Variants in TMEM116 observed in about 807,000 individuals in gnomAD.
TMEM116 encodes the protein transmembrane protein 116.
In TMEM116, 38 loss-of-function variants were observed where a neutral mutation model predicts 44.3. That is an observed-to-expected ratio of 0.86 (90% CI 0.66 to 1.12). The LOEUF is 1.12. Ranked by LOEUF, TMEM116 falls within the 50% of genes most tolerant of loss-of-function variation. The pLI is 0.00. For synonymous variants in TMEM116, 132 were observed against 144.8 expected (o/e 0.91, Z 0.64); for missense variants, 354 against 401.7 (o/e 0.88, Z 1.01).
intron 3 of TMEM116, among the ~76,000 whole-genome samples, chr12:112,000,321 TTCACA>T (rs1367567715): frequency 1.3e-5 from 2 of 152,200 alleles, no homozygotes. Flanking sequence ...GAGATAAGCA[TTCACA>T]TCATGGCTAA....
At chr12:111,993,668 C>A in intron 3 of TMEM116, 1 of 597,160 alleles carries the variant, frequency 1.7e-6, no homozygotes, top group Non-Finnish European at 3.3e-6. Flanking sequence ...ATAGCATATG[C>A]CATGATGAAG....
chr12:111,959,885 T>C (rs531032706), intron 4 of TMEM116, among the ~76,000 whole-genome samples: 3 of 152,190 alleles, frequency 2.0e-5, no homozygotes, highest in Non-Finnish European at 4.4e-5. Context: ...CAAAGAGATT[T>C]AGACTGCCAC....
At chr12:111,949,424 T>C (rs1333783219) in intron 4 of TMEM116, among the ~76,000 whole-genome samples, 1 of 152,246 alleles carries the variant, frequency 6.6e-6, no homozygotes, top group African/African-American at 2.4e-5. Flanking sequence ...AAATTGTTTA[T>C]AGATACTATG....
chr12:111,960,755 CA>C (rs1360423238), intron 4 of TMEM116, among the ~76,000 whole-genome samples: 1 of 151,946 alleles, frequency 6.6e-6, no homozygotes, highest in Non-Finnish European at 1.5e-5. Context: ...CCTAATATCA[CA>C]ATGAAAAGAA....
intron 3 of TMEM116, chr12:111,993,779 T>C: frequency 1.4e-6 from 1 of 723,664 alleles, no homozygotes; most frequent in South Asian, 1.4e-5. Flanking sequence ...GTAACATTTG[T>C]AGCAGGTTAC....
intron 4 of TMEM116, among the ~76,000 whole-genome samples, chr12:111,964,215 C>CG (rs1367833347): frequency 2.7e-5 from 4 of 150,220 alleles, no homozygotes; most frequent in Non-Finnish European, 5.9e-5. Context: ...CTGAGGTGGG[C>CG]GGATCACAAG....
At chr12:111,978,882 T>C in intron 4 of TMEM116, 1 of 265,164 alleles carries the variant, frequency 3.8e-6, no homozygotes, top group Non-Finnish European at 7.9e-6. Context: ...ACTAATATAG[T>C]CAACTCATCT....
Position 111,931,341 on chromosome 12 carries a change from C to A in TMEM116, c.*280G>T. On this transcript the variant is annotated 3_prime_UTR_variant, in exon 11 of 11. Coordinates refer to ENST00000552374, the MANE Select transcript of TMEM116 (RefSeq NM_001193531.2). Reference sequence around the variant, plus strand: ...TTATTTTTTCTAGAAGAGACTTAGACAAATCCAATATCCATCAAGGTAACA... The same window carrying A: ...TTATTTTTTCTAGAAGAGACTTAGAAAAATCCAATATCCATCAAGGTAACA... 2.4e-6 allele frequency: 1 copy of A among 414,746 alleles called. No individual in the cohort carries two copies. Among genetic ancestry groups the A allele is most frequent in the Non-Finnish European group, 4.3e-6 (1 of 231,520 alleles). 25.7% of individuals were successfully genotyped at this position (414,746 alleles called of 1,614,324 possible). A position where few individuals can be genotyped will look rare whatever the true frequency, so the allele number is the denominator to read the frequency against.
In TMEM116 at chr12:111,943,311, T is replaced by G; in HGVS notation, c.269A>C (p.Glu90Ala). The G allele has an allele frequency of 5.6e-6, 9 of 1,614,134 alleles. No individual in the cohort carries two copies. Among genetic ancestry groups the G allele is most frequent in the Non-Finnish European group, 7.6e-6 (9 of 1,180,010 alleles). Residue 90 changes from glutamate to alanine, a missense_variant, in exon 5 of 11, where the codon GAG becomes GCG. Transcript: ENST00000552374. Reference protein sequence around the residue: ...TVNYIWYLYTELRMKHTQSGQ... With the variant: ...TVNYIWYLYTALRMKHTQSGQ... ...ACTCTGGGTGTGTTTCATCCTCAGC[T>G]CTGTGTACAAATACCAGATGTAATT...
chr12:111,950,528 C>T (rs558735332), intron 4 of TMEM116, among the ~76,000 whole-genome samples: 1 of 150,652 alleles, frequency 6.6e-6, no homozygotes, highest in East Asian at 2.0e-4. Flanking sequence ...AATAAGGCTG[C>T]ACATCTACAA....
intron 5 of TMEM116, among the ~76,000 whole-genome samples, chr12:111,941,564 G>T (rs991152641): frequency 6.6e-6 from 1 of 151,898 alleles, no homozygotes; most frequent in Non-Finnish European, 1.5e-5. Context: ...ATAAGTTTTC[G>T]GTATCCACAT....
At chr12:111,997,832 T>C (rs1029863830) in intron 3 of TMEM116, among the ~76,000 whole-genome samples, 4 of 152,180 alleles carry the variant, frequency 2.6e-5, no homozygotes, top group Non-Finnish European at 4.4e-5. Flanking sequence ...TTTAAAAGTA[T>C]AAAGTATTTA....
At chr12:111,984,374 T>C (rs2076106463) in intron 4 of TMEM116, among the ~76,000 whole-genome samples, 1 of 151,928 alleles carries the variant, frequency 6.6e-6, no homozygotes, top group African/African-American at 2.4e-5. Context: ...ATCAAAACAA[T>C]TGAACTCATG....
intron 4 of TMEM116, among the ~76,000 whole-genome samples, chr12:111,961,723 G>T (rs1381304109): frequency 6.6e-6 from 1 of 152,094 alleles, no homozygotes; most frequent in Non-Finnish European, 1.5e-5. Flanking sequence ...ATACTGAATG[G>T]GCAAAAACTG....
At chr12:111,943,130 C>A (rs1012950267) in intron 5 of TMEM116, 135 bp downstream of exon 5, 1 of 714,448 alleles carries the variant, frequency 1.4e-6, no homozygotes, top group African/African-American at 1.8e-5. Context: ...TCACCACTTG[C>A]CCAGACTGGC....
chr12:111,942,270 T>A (rs2072896588), intron 5 of TMEM116, among the ~76,000 whole-genome samples: 1 of 150,064 alleles, frequency 6.7e-6, no homozygotes, highest in East Asian at 2.0e-4. Context: ...TTTTTGTTTT[T>A]GTTTTGTTTT....
chr12:111,960,368 T>C (rs2074483551), intron 4 of TMEM116, among the ~76,000 whole-genome samples: 1 of 151,414 alleles, frequency 6.6e-6, no homozygotes, highest in African/African-American at 2.4e-5. Flanking sequence ...GGCGGGCCCC[T>C]GTAGTACCAG....
rs553148495 is a variant in TMEM116, at chr12:111,942,230, G to A, written c.315+1035C>T. Among the ~76,000 whole-genome samples the A allele has an allele frequency of 1.3e-4, 20 of 151,996 alleles. No individual in the cohort carries two copies. The East Asian group carries it at 3.1e-3, about 24-fold the overall frequency. On this transcript the variant is annotated intron_variant, in intron 5 of 10. Transcript: ENST00000552374. Reference sequence around the variant, plus strand: ...TAGGATTACAGGTGTGAGCCACCACGCCCGGCTAACACTTCATTTTGTTTG... The same window carrying A: ...TAGGATTACAGGTGTGAGCCACCACACCCGGCTAACACTTCATTTTGTTTG...
intron 4 of TMEM116, among the ~76,000 whole-genome samples, chr12:111,945,675 C>T (rs1344597372): frequency 1.3e-5 from 2 of 152,110 alleles, no homozygotes; most frequent in Admixed American, 1.3e-4. Context: ...CCCAGAGACA[C>T]AAATATTCAT....
Sources: allele counts gnomAD v4.1 joint callset (sites outside exome capture counted in the v4.1 genomes callset), GRCh38; gene constraint gnomAD v4.1.1; transcripts MANE v1.5; gene names NCBI Gene and HGNC (gene_info 2026-07-23, HGNC 2026-07-21).